ROR1: variants seen among roughly 807,000 people sequenced by gnomAD.
ROR1 encodes the protein inactive tyrosine-protein kinase transmembrane receptor ROR1.
In ROR1, 19 loss-of-function variants were observed where a neutral mutation model predicts 78.8. That is an observed-to-expected ratio of 0.24 (90% CI 0.17 to 0.35). The LOEUF is 0.35. Ranked by LOEUF, ROR1 falls within the 10% of genes least tolerant of loss-of-function variation. The pLI is 1.00. For missense variants in ROR1, 917 were observed against 1,177.8 expected (o/e 0.78, Z 3.24); for synonymous variants, 386 against 433.6 (o/e 0.89, Z 1.36).
chr1:64,062,133 C>T (rs1022540295), intron 4 of ROR1, among the ~76,000 whole-genome samples: 2 of 152,194 alleles, frequency 1.3e-5, no homozygotes, highest in Non-Finnish European at 2.9e-5. Context: ...GCAGACTCTA[C>T]TTGCCTCCTG....
At chr1:63,962,447 C>T (rs2100486836) in intron 1 of ROR1, among the ~76,000 whole-genome samples, 1 of 152,256 alleles carries the variant, frequency 6.6e-6, no homozygotes, top group Non-Finnish European at 1.5e-5. Flanking sequence ...ACAAATGGTT[C>T]ACTGCAATCT....
chr1:64,053,350 C>T (rs748096185), intron 4 of ROR1, among the ~76,000 whole-genome samples: 2 of 152,188 alleles, frequency 1.3e-5, no homozygotes, highest in African/African-American at 4.8e-5. Flanking sequence ...GACTATGGCC[C>T]AGAAAGGCAC....
At chr1:63,944,436 C>A (rs12142062) in intron 1 of ROR1, among the ~76,000 whole-genome samples, 78 of 152,192 alleles carry the variant, frequency 5.1e-4, no homozygotes, top group Non-Finnish European at 9.6e-4. Context: ...TTTGATTGTG[C>A]ATTGGATACA....
intron 4 of ROR1, among the ~76,000 whole-genome samples, chr1:64,083,758 G>T (rs1318980030): frequency 6.6e-6 from 1 of 152,122 alleles, no homozygotes; most frequent in Admixed American, 6.5e-5. Flanking sequence ...GATATAAGGG[G>T]TGAGAGTGAA....
intron 1 of ROR1, among the ~76,000 whole-genome samples, chr1:63,818,792 C>T (rs1644907708): frequency 6.6e-6 from 1 of 152,174 alleles, no homozygotes; most frequent in African/African-American, 2.4e-5. Flanking sequence ...ATGATGCTGA[C>T]TGCTTAGTAA....
At chr1:63,952,141 T>G (rs921194578) in intron 1 of ROR1, among the ~76,000 whole-genome samples, 51 of 152,042 alleles carry the variant, frequency 3.4e-4, no homozygotes, top group African/African-American at 1.2e-3. Flanking sequence ...AAAGTGTAGC[T>G]GTTTTGTAAG....
intron 1 of ROR1, among the ~76,000 whole-genome samples, chr1:63,869,688 G>A (rs1215359334): frequency 6.6e-6 from 1 of 152,164 alleles, no homozygotes; most frequent in African/African-American, 2.4e-5. Flanking sequence ...AATCTTGCTG[G>A]TCTTTGTCTG....
intron 2 of ROR1, among the ~76,000 whole-genome samples, chr1:64,045,018 A>G (rs578125784): frequency 1.3e-5 from 2 of 152,332 alleles, no homozygotes; most frequent in Non-Finnish European, 2.9e-5. Context: ...ACAAAATCGT[A>G]TGTAGGTAGA....
At position 64,177,500 on chromosome 1, in the gene ROR1, A is replaced by G. The variant is rs770469053; in HGVS notation, c.1459A>G (p.Ile487Val). Residue 487 changes from isoleucine to valine, a missense_variant, in exon 9 of 9, where the codon ATC (isoleucine) becomes GTC (valine). Transcript: ENST00000371079. ...ATTGGGTGAGTGTGCCTTTGGAAAA[A>G]TCTATAAAGGCCATCTCTATCTCCC... ...EELGECAFGK[I>V]YKGHLYLPGM... 1 of 1,614,086 alleles carries G rather than the reference A, an allele frequency of 6.2e-7. No individual in the cohort carries two copies. Among genetic ancestry groups the G allele is most frequent in the East Asian group, 2.2e-5 (1 of 44,864 alleles).
At chr1:64,151,090 G>C (rs887465880) in intron 7 of ROR1, among the ~76,000 whole-genome samples, 1 of 152,218 alleles carries the variant, frequency 6.6e-6, no homozygotes, top group Admixed American at 6.5e-5. Context: ...GGCACAAGCC[G>C]ATAGACTAAG....
At chr1:63,975,253 A>G (rs1646149974) in intron 1 of ROR1, among the ~76,000 whole-genome samples, 1 of 152,232 alleles carries the variant, frequency 6.6e-6, no homozygotes, top group South Asian at 2.1e-4. Flanking sequence ...TTCAAGCTCA[A>G]AATATCTCCC....
chr1:64,119,421 A>C (rs1271670284), intron 4 of ROR1, among the ~76,000 whole-genome samples: 1 of 152,134 alleles, frequency 6.6e-6, no homozygotes, highest in Non-Finnish European at 1.5e-5. Context: ...CAGAAAGATC[A>C]TGAGGTCAGC....
intron 1 of ROR1, among the ~76,000 whole-genome samples, chr1:64,002,106 A>G (rs1018168079): frequency 1.8e-4 from 26 of 146,538 alleles, no homozygotes; most frequent in Non-Finnish European, 1.5e-5. Context: ...GTAAGGTTTT[A>G]GAAGGTGTTA....
At chr1:63,815,767 G>A (rs952711216) in intron 1 of ROR1, among the ~76,000 whole-genome samples, 4 of 152,046 alleles carry the variant, frequency 2.6e-5, no homozygotes, top group African/African-American at 9.7e-5. Flanking sequence ...TTGTTCAGGG[G>A]TGAGTATGGA....
intron 1 of ROR1, among the ~76,000 whole-genome samples, chr1:63,851,382 C>T (rs769622124): frequency 1.3e-5 from 2 of 152,148 alleles, no homozygotes; most frequent in African/African-American, 2.4e-5. Context: ...TTCTAAGTGG[C>T]GTTGACCCTT....
At chr1:64,045,751 A>G (rs1646778458) in intron 2 of ROR1, among the ~76,000 whole-genome samples, 1 of 152,120 alleles carries the variant, frequency 6.6e-6, no homozygotes, top group Non-Finnish European at 1.5e-5. Flanking sequence ...TTATGAAATC[A>G]TTATTGTTGT....
Position 63,889,339 on chromosome 1 carries a change from A to G in ROR1, c.91+114831A>G, listed in dbSNP as rs115090138. 5.9e-3 allele frequency among the ~76,000 whole-genome samples: 903 copies of G among 152,286 alleles called. 8 individuals are homozygous for G. The highest frequency in any genetic ancestry group is 0.02 in the African/African-American group (817 of 41,576). On this transcript the variant is annotated intron_variant, in intron 1 of 8. Transcript: ENST00000371079. The stretch of plus-strand genomic sequence containing the variant: ...AGGTGGAAACACTAGGGCTATCTTG[A>G]AGGCTGGTTACCATAGGCATTATTA...
chr1:63,949,030 C>T (rs1390168315), intron 1 of ROR1, among the ~76,000 whole-genome samples: 1 of 152,136 alleles, frequency 6.6e-6, no homozygotes, highest in Non-Finnish European at 1.5e-5. Flanking sequence ...TGACATTGTA[C>T]AATATGCTTA....
intron 2 of ROR1, among the ~76,000 whole-genome samples, chr1:64,037,461 T>C (rs1384973970): frequency 1.3e-5 from 2 of 152,168 alleles, no homozygotes; most frequent in Non-Finnish European, 2.9e-5. Context: ...CTATGGACTT[T>C]AGTGGCCTAG....
Sources: gnomAD v4.1 joint callset for allele counts (sites outside exome capture counted in the v4.1 genomes callset) on GRCh38, gnomAD v4.1.1 for gene constraint, MANE v1.5 for transcripts, NCBI Gene and HGNC (gene_info 2026-07-23, HGNC 2026-07-21) for gene names.